Variants in SOX6 observed in about 807,000 individuals in gnomAD.
SOX6 encodes the protein transcription factor SOX-6.
In SOX6, 11 loss-of-function variants were observed where a neutral mutation model predicts 97.8. That is an observed-to-expected ratio of 0.11 (90% CI 0.07 to 0.19). The LOEUF is 0.19. Ranked by LOEUF, SOX6 falls within the 10% of genes least tolerant of loss-of-function variation. The probability of loss-of-function intolerance (pLI) is 1.00; values close to 1 mark genes in which losing one functional copy is unlikely to be tolerated. For synonymous variants in SOX6, 360 were observed against 371.4 expected (o/e 0.97, Z 0.35); for missense variants, 810 against 1,039.5 (o/e 0.78, Z 3.04).
At chr11:16,289,879 A>T (rs1010898963) in intron 3 of SOX6, among the ~76,000 whole-genome samples, 1 of 152,062 alleles carries the variant, frequency 6.6e-6, no homozygotes, top group Non-Finnish European at 1.5e-5. Context: ...AGAAAAAAAT[A>T]CAGTGATGAA....
At chr11:16,230,538 A>C (rs953134017) in intron 4 of SOX6, among the ~76,000 whole-genome samples, 1 of 151,760 alleles carries the variant, frequency 6.6e-6, no homozygotes, top group African/African-American at 2.4e-5. Flanking sequence ...GAAAACATCA[A>C]AGGAAATGTG....
intron 6 of SOX6, among the ~76,000 whole-genome samples, chr11:16,142,975 C>T (rs1036531592): frequency 6.6e-6 from 1 of 152,106 alleles, no homozygotes; most frequent in East Asian, 1.9e-4. Context: ...GGCAGGCCAA[C>T]ATTCAAATTC....
At chr11:16,090,962 C>A (rs185812483) in intron 9 of SOX6, among the ~76,000 whole-genome samples, 1 of 151,952 alleles carries the variant, frequency 6.6e-6, no homozygotes, top group African/African-American at 2.4e-5. Context: ...TTTATAAGAA[C>A]CCTGAGAATG....
At chr11:16,052,573 G>C (rs1288374562) in intron 10 of SOX6, among the ~76,000 whole-genome samples, 1 of 151,842 alleles carries the variant, frequency 6.6e-6, no homozygotes, top group Non-Finnish European at 1.5e-5. Flanking sequence ...TGTCATTTTG[G>C]GGTCTATTTC....
chr11:16,021,029 T>C (rs767689225), intron 12 of SOX6, among the ~76,000 whole-genome samples: 1 of 152,128 alleles, frequency 6.6e-6, no homozygotes, highest in Non-Finnish European at 1.5e-5. Context: ...ATAAAAGAGG[T>C]AAATAAGCAA....
intron 1 of SOX6, among the ~76,000 whole-genome samples, chr11:16,460,919 G>A (rs1040738306): frequency 6.6e-6 from 1 of 151,850 alleles, no homozygotes; most frequent in Non-Finnish European, 1.5e-5. Flanking sequence ...CACACTTTAG[G>A]TCCTAGCCTT....
intron 3 of SOX6, among the ~76,000 whole-genome samples, chr11:16,278,319 A>G (rs1281097916): frequency 1.3e-5 from 2 of 152,170 alleles, no homozygotes; most frequent in African/African-American, 4.8e-5. Flanking sequence ...CATTCAAGTT[A>G]AAAACAAATG....
chr11:16,107,206 A>G (rs1269464897), intron 7 of SOX6, among the ~76,000 whole-genome samples: 2 of 151,922 alleles, frequency 1.3e-5, no homozygotes, highest in Non-Finnish European at 2.9e-5. Flanking sequence ...TTAAACATAG[A>G]ACTTCATATA....
chr11:16,476,899 A>C (rs115993041), upstream of SOX6, among the ~76,000 whole-genome samples: 1,141 of 152,302 alleles, frequency 7.5e-3, 15 homozygotes, highest in African/African-American at 0.025. Flanking sequence ...ATAAGCCATA[A>C]TTCAATCCAA....
chr11:16,254,836 G>C (rs547157935), intron 3 of SOX6, among the ~76,000 whole-genome samples: 1 of 151,934 alleles, frequency 6.6e-6, no homozygotes, highest in African/African-American at 2.4e-5. Flanking sequence ...GAGATTGTCA[G>C]AGTGGGTCAA....
intron 3 of SOX6, among the ~76,000 whole-genome samples, chr11:16,277,128 A>G (rs1008385149): frequency 6.6e-6 from 1 of 152,156 alleles, no homozygotes; most frequent in African/African-American, 2.4e-5. Context: ...ACTCTGTGCT[A>G]TGGACTGAAC....
At chr11:16,524,425 A>T (rs1165488353) in intron 4 of SOX6, among the ~76,000 whole-genome samples, 2 of 152,180 alleles carry the variant, frequency 1.3e-5, no homozygotes, top group African/African-American at 4.8e-5. Context: ...ACAAAATTCA[A>T]CAACCCTTCA....
chr11:16,352,032 G>C (rs1856959881), intron 1 of SOX6, among the ~76,000 whole-genome samples: 1 of 151,686 alleles, frequency 6.6e-6, no homozygotes, highest in Non-Finnish European at 1.5e-5. Context: ...ATAAATTTAG[G>C]GTGTTATCTT....
chr11:16,019,624 T>C (rs1381244794), intron 12 of SOX6, among the ~76,000 whole-genome samples: 5 of 152,194 alleles, frequency 3.3e-5, no homozygotes, highest in Non-Finnish European at 7.4e-5. Flanking sequence ...TATGCTCATA[T>C]AATTATGGAT....
intron 3 of SOX6, among the ~76,000 whole-genome samples, chr11:16,298,008 G>A (rs1855148740): frequency 6.6e-6 from 1 of 152,016 alleles, no homozygotes; most frequent in South Asian, 2.1e-4. Context: ...GAATTCAGTA[G>A]AGGCAGAAAA....
At chr11:16,326,514 T>TA (rs1315369652) in intron 2 of SOX6, among the ~76,000 whole-genome samples, 70 of 149,996 alleles carry the variant, frequency 4.7e-4, no homozygotes, top group Middle Eastern at 3.4e-3. Flanking sequence ...CAGTTTTTTT[T>TA]AAAAAAAAAA....
At position 16,300,992 on chromosome 11, in the gene SOX6, C is replaced by G. The variant is rs1236130645; in HGVS notation, c.445+17454G>C. On this transcript the variant is annotated intron_variant, in intron 3 of 15. Coordinates refer to ENST00000683767, the MANE Select transcript of SOX6 (RefSeq NM_001367873.1). The surrounding 1 kb of genome is among the most constrained non-coding windows in gnomAD (Gnocchi z 4.1). ...TATTACATCTGAAACCACACAATAC[C>G]TTTTCTTTTTTCCCTCATCAACTTT... Among the ~76,000 whole-genome samples, 1 of 152,048 alleles carries G rather than the reference C, an allele frequency of 6.6e-6. No homozygotes were observed. The highest frequency in any genetic ancestry group is 1.5e-5 in the Non-Finnish European group (1 of 67,990).
At chr11:16,092,588 T>C (rs184227575) in intron 9 of SOX6, among the ~76,000 whole-genome samples, 23 of 152,020 alleles carry the variant, frequency 1.5e-4, no homozygotes, top group Admixed American at 1.3e-3. Flanking sequence ...TGCTGACACA[T>C]GGAGATATTT....
intron 6 of SOX6, among the ~76,000 whole-genome samples, chr11:16,117,251 G>A (rs1849371806): frequency 6.6e-6 from 1 of 152,128 alleles, no homozygotes; most frequent in African/African-American, 2.4e-5. Context: ...TGCTCGGGAG[G>A]CTGAGGCAGG....
Sources: allele counts gnomAD v4.1 joint callset (sites outside exome capture counted in the v4.1 genomes callset), GRCh38; gene constraint gnomAD v4.1.1; non-coding constraint Gnocchi (gnomAD v3.1); transcripts MANE v1.5; gene names NCBI Gene and HGNC (gene_info 2026-07-23, HGNC 2026-07-21).